The following RHCE variants were observed in gnomAD, a reference collection of about 807,000 sequenced individuals.
The protein encoded by RHCE is Rh blood group CcEe antigens.
A neutral mutation model predicts 43.8 loss-of-function variants in RHCE; 22 were observed. The observed-to-expected ratio is 0.50, with a 90% CI of 0.36 to 0.72. The LOEUF is 0.72. Ranked by LOEUF, RHCE falls within the 30% of genes least tolerant of loss-of-function variation. The pLI, the probability that RHCE is intolerant of heterozygous loss-of-function variation, is 0.00. For synonymous variants in RHCE, 156 were observed against 210.7 expected, an observed-to-expected ratio of 0.74 and a Z score of 2.25; for missense variants, 385 against 525.4, an observed-to-expected ratio of 0.73 and a Z score of 2.61.
intron 9 of RHCE, among the ~76,000 whole-genome samples, chr1:25,368,113 C>T (rs1171159652): frequency 6.7e-6 from 1 of 150,158 alleles, no homozygotes; most frequent in Non-Finnish European, 1.5e-5. Context: ...GGGTGTGCTC[C>T]TTGTCTTGAT....
intron 1 of RHCE, 134 bp downstream of exon 1, chr1:25,420,505 A>G: frequency 6.4e-7 from 1 of 1,565,374 alleles, no homozygotes; most frequent in Non-Finnish European, 8.7e-7. Flanking sequence ...GGTGCAATCT[A>G]CGGAAGAAGA....
chr1:25,405,297 T>C (rs1297088112), intron 2 of RHCE, among the ~76,000 whole-genome samples: 2 of 152,142 alleles, frequency 1.3e-5, no homozygotes, highest in African/African-American at 4.8e-5. Context: ...AGGCTGAGGC[T>C]GAGTGAGCCA....
intron 7 of RHCE, among the ~76,000 whole-genome samples, chr1:25,384,139 A>T (rs1297249858): frequency 6.6e-6 from 1 of 150,900 alleles, no homozygotes; most frequent in Non-Finnish European, 1.5e-5. Context: ...TTTCCAAGTG[A>T]TGCAGGTGCT....
chr1:25,391,496 AT>A (rs112171126), intron 4 of RHCE, among the ~76,000 whole-genome samples: 301 of 138,290 alleles, frequency 2.2e-3, no homozygotes, highest in Middle Eastern at 7.6e-3. Context: ...CCAAACGCTT[AT>A]TTTTTTTTTT....
chr1:25,389,057 G>A lies in RHCE; in HGVS notation c.858C>T (p.His286=). 1 of 1,614,200 alleles carries A rather than the reference G, an allele frequency of 6.2e-7. No individual in the cohort carries two copies. The highest frequency in any genetic ancestry group is 8.5e-7 in the Non-Finnish European group (1 of 1,180,028). ...TGGCAAGCCACGGAGAAGGGATCAG[G>A]TGACACGAGGTACCCACAGCCACGC... ...AGGVAVGTSC[H]LIPSPWLAMV... Residue 286 remains histidine (H), a synonymous_variant, in exon 6 of 10, where the codon CAC becomes CAT. Transcript: ENST00000294413.
chr1:25,414,088 G>A (rs1349976006), intron 1 of RHCE, among the ~76,000 whole-genome samples: 3 of 152,132 alleles, frequency 2.0e-5, no homozygotes, highest in African/African-American at 4.8e-5. Flanking sequence ...CATTGGGTAC[G>A]TAGTGAGTGT....
intron 8 of RHCE, among the ~76,000 whole-genome samples, chr1:25,374,618 C>A (rs59634089): frequency 0.066 from 8,608 of 129,948 alleles, 921 homozygotes; most frequent in African/African-American, 0.24. Context: ...CTTACTGTTC[C>A]CTCAACACAC....
Position 25,362,665 on chromosome 1 carries a change from A to C in RHCE, c.1228-112T>G, listed in dbSNP as rs937250911. On this transcript the variant is annotated intron_variant, in intron 9 of 9. Transcript: ENST00000294413. Reference sequence around the variant, plus strand: ...TTACAAAGACCTTAGAAATTCTTTCATAAAATCTGAATTGGAAGAGATCTT... The same window carrying C: ...TTACAAAGACCTTAGAAATTCTTTCCTAAAATCTGAATTGGAAGAGATCTT... The C allele has an allele frequency of 4.6e-6, 3 of 655,384 alleles. No individual in the cohort carries two copies. The African/African-American group carries it at 7.0e-5, about 15-fold the overall frequency. 40.6% of individuals were successfully genotyped at this position (655,384 alleles called of 1,614,324 possible). A position where few individuals can be genotyped will look rare whatever the true frequency, so the allele number is the denominator to read the frequency against.
chr1:25,425,900 A>G (rs2042802205), intron 2 of RHCE, among the ~76,000 whole-genome samples: 1 of 152,224 alleles, frequency 6.6e-6, no homozygotes, highest in Non-Finnish European at 1.5e-5. Context: ...ACGTTTGGCT[A>G]AAGTGCAGCT....
At chr1:25,429,243 T>TTG (rs60736234) in intron 1 of RHCE, among the ~76,000 whole-genome samples, 1 of 149,156 alleles carries the variant, frequency 6.7e-6, no homozygotes, top group African/African-American at 2.5e-5. Flanking sequence ...TTTTTTTTTT[T>TTG]GAGACAAAGT....
intron 7 of RHCE, among the ~76,000 whole-genome samples, chr1:25,383,964 A>G (rs1335285346): frequency 6.6e-6 from 1 of 152,162 alleles, no homozygotes; most frequent in Non-Finnish European, 1.5e-5. Context: ...CAAACCACTG[A>G]TTGGCTTTTT....
intron 1 of RHCE, among the ~76,000 whole-genome samples, chr1:25,418,285 C>A (rs2042656371): frequency 6.6e-6 from 1 of 152,124 alleles, no homozygotes; most frequent in Non-Finnish European, 1.5e-5. Flanking sequence ...CCTTGGCCTC[C>A]CAAAGTGTTT....
intron 1 of RHCE, among the ~76,000 whole-genome samples, chr1:25,416,910 G>C (rs1647554775): frequency 7.0e-6 from 1 of 142,414 alleles, no homozygotes; most frequent in South Asian, 2.1e-4. Flanking sequence ...TGCTCAGCCA[G>C]GGTGTTTTTT....
intron 7 of RHCE, among the ~76,000 whole-genome samples, chr1:25,382,767 A>C (rs646867): frequency 0.59 from 90,280 of 151,822 alleles, 28,379 homozygotes; most frequent in African/African-American, 0.8. Flanking sequence ...TCAAACTAGG[A>C]AGGCCTGTCC....
intron 4 of RHCE, among the ~76,000 whole-genome samples, chr1:25,391,538 G>A (rs1380113364): frequency 2.6e-5 from 4 of 151,170 alleles, no homozygotes; most frequent in Non-Finnish European, 5.9e-5. Context: ...ACTTGACCCC[G>A]TGGCCTGATA....
chr1:25,424,473 C>T (rs190051376), upstream of RHCE, among the ~76,000 whole-genome samples: 653 of 152,080 alleles, frequency 4.3e-3, 4 homozygotes, highest in African/African-American at 0.015. Context: ...CTGCAACCTC[C>T]GCCTCCCAGG....
intron 7 of RHCE, among the ~76,000 whole-genome samples, chr1:25,379,874 C>G (rs1215830534): frequency 9.9e-5 from 15 of 152,062 alleles, no homozygotes; most frequent in Admixed American, 9.8e-4. Context: ...AGACAGGTCT[C>G]ACTATGTTGC....
At chr1:25,396,476 G>A (rs909296038) in intron 3 of RHCE, among the ~76,000 whole-genome samples, 2 of 152,162 alleles carry the variant, frequency 1.3e-5, no homozygotes, top group African/African-American at 4.8e-5. Context: ...CTGCTATAAA[G>A]ATACTTCCTG....
In RHCE at chr1:25,385,736, G is replaced by T; in HGVS notation, c.1048C>A (p.His350Asn). 3 of 1,613,920 alleles carry T rather than the reference G, an allele frequency of 1.9e-6. No individual in the cohort carries two copies. The highest frequency in any genetic ancestry group is 2.5e-6 in the Non-Finnish European group (3 of 1,179,998). ...EITYIVLLVL[H>N]TVWNGNGMIG... ...ATGCCATTGCCGTTCCAGACAGTAT[G>T]AAGCACCAGCAGCACAATGTAGGTG... The change falls in exon 7 of 10, where the codon CAT (histidine) becomes AAT (asparagine). Residue 350 changes from histidine (H) to asparagine (N), a missense_variant. This residue lies in a region of RHCE where 82 missense variants were observed against 69.2 expected (regional missense o/e 1.18). Coordinates refer to ENST00000294413, the MANE Select transcript of RHCE (RefSeq NM_020485.8).
Sources: gnomAD v4.1 joint callset for allele counts (sites outside exome capture counted in the v4.1 genomes callset) on GRCh38, gnomAD v4.1.1 for gene constraint, gnomAD v4.1.1 regional missense constraint, MANE v1.5 for transcripts, NCBI Gene and HGNC (gene_info 2026-07-23, HGNC 2026-07-21) for gene names.